DNAH11: variants seen among roughly 807,000 people sequenced by gnomAD.
DNAH11 encodes axonemal beta dynein heavy chain 11.
In DNAH11, 442 loss-of-function variants were observed where a neutral mutation model predicts 526.0. The observed-to-expected ratio is 0.84, with a 90% CI of 0.78 to 0.91. The LOEUF (loss-of-function observed/expected upper bound fraction) is 0.91. Ranked by LOEUF, DNAH11 falls within the 40% of genes least tolerant of loss-of-function variation. The pLI, the probability that DNAH11 is intolerant of heterozygous loss-of-function variation, is 0.00. For missense variants in DNAH11, 6,989 were observed against 5,448.7 expected (o/e 1.28, Z -8.90); for synonymous variants, 2,461 against 1,935.9 (o/e 1.27, Z -7.12).
intron 65 of DNAH11, among the ~76,000 whole-genome samples, chr7:21,828,012 A>C (rs1790383627): frequency 6.6e-6 from 1 of 151,148 alleles, no homozygotes; most frequent in South Asian, 2.1e-4. Context: ...GCCGTGGTGT[A>C]ATCGTGGCTC....
At chr7:21,711,639 G>A in intron 41 of DNAH11, 73 bp from the exon 42 acceptor site, 3 of 1,553,744 alleles carry the variant, frequency 1.9e-6, no homozygotes, top group Admixed American at 1.8e-5. Context: ...TCTGGTAGGG[G>A]AAAGTACTTG....
intron 30 of DNAH11, among the ~76,000 whole-genome samples, chr7:21,666,173 A>T (rs991147): frequency 0.056 from 8,573 of 152,126 alleles, 606 homozygotes; most frequent in Admixed American, 0.22. Flanking sequence ...TTTAAACTCT[A>T]TTTCCCCCTT....
At chr7:21,546,147 T>C (rs548459518) in intron 2 of DNAH11, among the ~76,000 whole-genome samples, 1 of 152,364 alleles carries the variant, frequency 6.6e-6, no homozygotes, top group East Asian at 1.9e-4. Flanking sequence ...TGCTGACATA[T>C]TTATTGCTAG....
chr7:21,592,461 G>C (rs1286994374), intron 14 of DNAH11, among the ~76,000 whole-genome samples: 1 of 152,216 alleles, frequency 6.6e-6, no homozygotes, highest in Non-Finnish European at 1.5e-5. Context: ...TTTGCAAGGG[G>C]AGTGGTAGTA....
At chr7:21,651,188 C>T (rs2128463838) in intron 28 of DNAH11, among the ~76,000 whole-genome samples, 1 of 152,152 alleles carries the variant, frequency 6.6e-6, no homozygotes, top group South Asian at 2.1e-4. Context: ...GAGGTGCTCA[C>T]CAGGCAGGAG....
chr7:21,741,448 A>C (rs992910737), intron 48 of DNAH11, among the ~76,000 whole-genome samples: 5 of 152,194 alleles, frequency 3.3e-5, no homozygotes, highest in African/African-American at 1.2e-4. Context: ...AAGCTTTTTA[A>C]TCATGACAAC....
chr7:21,551,806 TCC>T (rs1262367697), intron 2 of DNAH11, among the ~76,000 whole-genome samples: 1 of 152,208 alleles, frequency 6.6e-6, no homozygotes, highest in Non-Finnish European at 1.5e-5. Context: ...TCTCTTTTTC[TCC>T]TCTCCTTTCC....
intron 20 of DNAH11, among the ~76,000 whole-genome samples, chr7:21,607,334 C>A (rs1333255979): frequency 6.6e-6 from 1 of 152,108 alleles, no homozygotes; most frequent in African/African-American, 2.4e-5. Context: ...ATGGTGCCCA[C>A]CCAGATTGAG....
At chr7:21,792,023 G>T (rs189316669) in intron 61 of DNAH11, among the ~76,000 whole-genome samples, 6 of 152,292 alleles carry the variant, frequency 3.9e-5, no homozygotes, top group Admixed American at 2.0e-4. Flanking sequence ...AGCAAAGGGG[G>T]ATCAGGCATC....
chr7:21,666,808 T>C (rs547551111), intron 30 of DNAH11, among the ~76,000 whole-genome samples: 2 of 152,108 alleles, frequency 1.3e-5, no homozygotes, highest in South Asian at 2.1e-4. Flanking sequence ...CCTTATACTT[T>C]ATAATCTAGC....
intron 74 of DNAH11, among the ~76,000 whole-genome samples, chr7:21,879,200 T>TCC (rs1252930540): frequency 6.6e-6 from 1 of 151,984 alleles, no homozygotes; most frequent in Admixed American, 6.6e-5. Flanking sequence ...GTGACTGTAA[T>TCC]CCCAGCACTT....
rs182318855 is a variant in DNAH11 at position 21,868,689 on chromosome 7, T to C, written c.11840-175T>C. On this transcript the variant is annotated intron_variant, in intron 72 of 81. Transcript: ENST00000409508. The stretch of plus-strand genomic sequence containing the variant: ...TCTAATGCTTGCAATGAGGCAGCTG[T>C]GGAGAGCTCAAAATGCTGCTTGTGG... Among the ~76,000 whole-genome samples the C allele has an allele frequency of 1.1e-4, 16 of 152,324 alleles. 1 individual carries two copies. The highest frequency in any genetic ancestry group is 1.0e-3 in the Admixed American group (16 of 15,308).
chr7:21,632,292 C>T (rs1026603260), intron 25 of DNAH11, among the ~76,000 whole-genome samples: 3 of 152,158 alleles, frequency 2.0e-5, no homozygotes, highest in Admixed American at 6.5e-5. Context: ...GTCTCTGATG[C>T]CTTGGATACA....
intron 43 of DNAH11, among the ~76,000 whole-genome samples, chr7:21,719,466 T>A (rs577674511): frequency 1.9e-4 from 29 of 152,358 alleles, no homozygotes; most frequent in African/African-American, 6.5e-4. Context: ...ATTCGTGTGT[T>A]CATCTCAGCA....
chr7:21,850,714 C>G (rs966741765), intron 66 of DNAH11, among the ~76,000 whole-genome samples: 2 of 136,822 alleles, frequency 1.5e-5, no homozygotes, highest in African/African-American at 5.5e-5. Context: ...CAAAAGTAAA[C>G]AGAGGTTTAG....
intron 3 of DNAH11, 151 bp from the exon 4 acceptor site, chr7:21,559,452 C>G: frequency 1.5e-6 from 1 of 657,798 alleles, no homozygotes; most frequent in Non-Finnish European, 2.5e-6. Context: ...AACGTAACCC[C>G]ACAACTCAAA....
At chr7:21,596,771 G>A (rs1282552228) in intron 14 of DNAH11, among the ~76,000 whole-genome samples, 2 of 152,068 alleles carry the variant, frequency 1.3e-5, no homozygotes, top group East Asian at 1.9e-4. Context: ...TCCTATTTTT[G>A]TCCTTAAGGC....
intron 45 of DNAH11, among the ~76,000 whole-genome samples, chr7:21,729,511 T>C (rs1785279888): frequency 6.6e-6 from 1 of 152,206 alleles, no homozygotes; most frequent in East Asian, 1.9e-4. Flanking sequence ...AGTATGTCTT[T>C]CTCCTCTTTC....
At chr7:21,824,050 A>C (rs1345345950) in intron 65 of DNAH11, among the ~76,000 whole-genome samples, 1 of 152,210 alleles carries the variant, frequency 6.6e-6, no homozygotes, top group Non-Finnish European at 1.5e-5. Context: ...TAAATTTGTT[A>C]AAATTAATAA....
Sources: allele counts gnomAD v4.1 joint callset (sites outside exome capture counted in the v4.1 genomes callset), GRCh38; gene constraint gnomAD v4.1.1; transcripts MANE v1.5; gene names NCBI Gene and HGNC (gene_info 2026-07-23, HGNC 2026-07-21).